Variants in CAMKMT observed in about 807,000 individuals in gnomAD.
CAMKMT encodes CaM KMT.
Under a neutral mutation model 48.0 loss-of-function variants are expected in CAMKMT, and 53 were observed. That is an observed-to-expected ratio of 1.10 (90% CI 0.89 to 1.39). The LOEUF (loss-of-function observed/expected upper bound fraction) is 1.39, where lower values mean the gene tolerates loss of function less well. Among genes scored for constraint, CAMKMT ranks in the 40% most tolerant of loss-of-function variants. CAMKMT has a pLI of 0.00. For missense variants in CAMKMT, 428 were observed against 402.7 expected, an observed-to-expected ratio of 1.06 and a Z score of -0.54; for synonymous variants, 165 against 152.3, an observed-to-expected ratio of 1.08 and a Z score of -0.61.
At chr2:44,429,011 T>C (rs1025152722) in intron 3 of CAMKMT, among the ~76,000 whole-genome samples, 1 of 152,208 alleles carries the variant, frequency 6.6e-6, no homozygotes, top group Non-Finnish European at 1.5e-5. Flanking sequence ...CTAAGAAATA[T>C]ATTTGAAATA....
chr2:44,730,824 T>C (rs1425381320), intron 7 of CAMKMT, among the ~76,000 whole-genome samples: 1 of 152,194 alleles, frequency 6.6e-6, no homozygotes, highest in African/African-American at 2.4e-5. Flanking sequence ...TGTGCCAACA[T>C]AGACTTTGAG....
intron 3 of CAMKMT, among the ~76,000 whole-genome samples, chr2:44,425,654 A>C (rs1199863862): frequency 2.0e-5 from 3 of 152,198 alleles, no homozygotes; most frequent in Non-Finnish European, 4.4e-5. Context: ...TTGTTAAATC[A>C]AAAGCCGTAT....
At chr2:44,517,632 T>C (rs1030326161) in intron 3 of CAMKMT, among the ~76,000 whole-genome samples, 2 of 152,118 alleles carry the variant, frequency 1.3e-5, no homozygotes, top group African/African-American at 4.8e-5. Context: ...TATTGAAAGG[T>C]GTAATAGGAA....
intron 7 of CAMKMT, among the ~76,000 whole-genome samples, chr2:44,737,144 C>T (rs1679398347): frequency 6.6e-6 from 1 of 152,132 alleles, no homozygotes; most frequent in Non-Finnish European, 1.5e-5. Context: ...GAGACAGAGT[C>T]TCACTCAGTC....
intron 3 of CAMKMT, among the ~76,000 whole-genome samples, chr2:44,425,544 A>C (rs1684223189): frequency 6.6e-6 from 1 of 152,204 alleles, no homozygotes; most frequent in Non-Finnish European, 1.5e-5. Context: ...TATATTTATA[A>C]GAAAATTCCA....
chr2:44,385,726 G>A (rs1383885705), intron 2 of CAMKMT, among the ~76,000 whole-genome samples: 1 of 152,082 alleles, frequency 6.6e-6, no homozygotes, highest in African/African-American at 2.4e-5. Flanking sequence ...CATCTATTGA[G>A]ATGATCATGT....
At chr2:44,507,157 G>A (rs971740760) in intron 3 of CAMKMT, among the ~76,000 whole-genome samples, 2 of 151,840 alleles carry the variant, frequency 1.3e-5, no homozygotes, top group Non-Finnish European at 1.5e-5. Flanking sequence ...AGTTATTAAT[G>A]AGCTTAACTT....
intron 3 of CAMKMT, among the ~76,000 whole-genome samples, chr2:44,457,826 G>T (rs549896384): frequency 6.6e-6 from 1 of 152,244 alleles, no homozygotes; most frequent in South Asian, 2.1e-4. Context: ...ATTCTCAACA[G>T]AAATTCCAGA....
In CAMKMT at chr2:44,759,589, G is replaced by C. The variant is rs1032554342; in HGVS notation, c.762+5471G>C. Reference sequence around the variant, plus strand: ...TGCTGAGACACTTGGGTTCTTATCTGCTTACTGAGTCAGAGACCCAGCGAC... The same window carrying C: ...TGCTGAGACACTTGGGTTCTTATCTCCTTACTGAGTCAGAGACCCAGCGAC... On this transcript the variant is annotated intron_variant, in intron 9 of 10. Transcript: ENST00000378494. Among the ~76,000 whole-genome samples, 6 of 152,250 alleles carry C rather than the reference G, an allele frequency of 3.9e-5. 1 individual carries two copies. The highest frequency in any genetic ancestry group is 2.0e-4 in the Admixed American group (3 of 15,304).
At chr2:44,597,496 G>A (rs767805491) in intron 3 of CAMKMT, among the ~76,000 whole-genome samples, 1 of 152,142 alleles carries the variant, frequency 6.6e-6, no homozygotes, top group African/African-American at 2.4e-5. Flanking sequence ...TGAAAATGTG[G>A]TAGATGGTGT....
intron 3 of CAMKMT, among the ~76,000 whole-genome samples, chr2:44,420,034 G>A (rs1179885199): frequency 2.0e-5 from 3 of 151,978 alleles, no homozygotes; most frequent in Admixed American, 1.3e-4. Flanking sequence ...ATTGCTGATC[G>A]CCCAAGTTTA....
At chr2:44,529,768 C>A (rs892973421) in intron 3 of CAMKMT, among the ~76,000 whole-genome samples, 1 of 152,090 alleles carries the variant, frequency 6.6e-6, no homozygotes, top group African/African-American at 2.4e-5. Flanking sequence ...TGTCAAATTG[C>A]TGATTTTTCC....
intron 3 of CAMKMT, among the ~76,000 whole-genome samples, chr2:44,521,239 T>G (rs999422859): frequency 2.0e-5 from 3 of 152,170 alleles, no homozygotes; most frequent in African/African-American, 7.2e-5. Flanking sequence ...ACAATTTATC[T>G]CTTTTATTTT....
Position 44,689,973 on chromosome 2 carries a change from CTAAA to C in CAMKMT, c.377-14306_377-14303del, listed in dbSNP as rs1482802527. Among the ~76,000 whole-genome samples, 10 of 152,150 alleles carry C rather than the reference CTAAA, an allele frequency of 6.6e-5. No individual in the cohort carries two copies. The South Asian group carries it at 1.5e-3, about 22-fold the overall frequency. On this transcript the variant is annotated intron_variant, in intron 3 of 10. Coordinates refer to ENST00000378494, the MANE Select transcript of CAMKMT (RefSeq NM_024766.5). ...TTCTGTTATTAATATGCTTGATTAACTAAATAAGCATTCACATCTAGTTTATATA... is the reference window on the plus strand; with the variant it reads ...TTCTGTTATTAATATGCTTGATTAACTAAGCATTCACATCTAGTTTATATA...
chr2:44,398,737 G>T (rs1067336), intron 3 of CAMKMT, among the ~76,000 whole-genome samples: 1 of 151,712 alleles, frequency 6.6e-6, no homozygotes. Context: ...CTAAAAGGAT[G>T]TTCTTGATTT....
At chr2:44,521,020 A>G (rs573783363) in intron 3 of CAMKMT, among the ~76,000 whole-genome samples, 8 of 152,308 alleles carry the variant, frequency 5.3e-5, no homozygotes, top group African/African-American at 1.9e-4. Flanking sequence ...GCATTTCTTC[A>G]TAGCAGAGTG....
chr2:44,560,874 T>C (rs1668288158), intron 3 of CAMKMT, among the ~76,000 whole-genome samples: 2 of 152,224 alleles, frequency 1.3e-5, no homozygotes, highest in Admixed American at 1.3e-4. Context: ...CTTGAAAAGT[T>C]GAATTCACTT....
chr2:44,391,888 G>A (rs970566281), intron 3 of CAMKMT: 1 of 152,710 alleles, frequency 6.5e-6, no homozygotes, highest in African/African-American at 2.4e-5. Flanking sequence ...TTGGTAGAAA[G>A]GTTTAAGACT....
At chr2:44,363,194 T>C (rs1253643212) in intron 1 of CAMKMT, among the ~76,000 whole-genome samples, 2 of 152,206 alleles carry the variant, frequency 1.3e-5, no homozygotes, top group African/African-American at 2.4e-5. Flanking sequence ...TGACAGTCTT[T>C]CCAGACCAGT....
Sources: allele counts gnomAD v4.1 joint callset (sites outside exome capture counted in the v4.1 genomes callset), GRCh38; gene constraint gnomAD v4.1.1; transcripts MANE v1.5; gene names NCBI Gene and HGNC (gene_info 2026-07-23, HGNC 2026-07-21).